The following ADAM23 variants were observed in gnomAD, a reference collection of about 807,000 sequenced individuals.
ADAM23 encodes ADAM metallopeptidase domain 23.
Under a neutral mutation model 120.1 loss-of-function variants are expected in ADAM23, and 33 were observed. The ratio of observed to expected loss-of-function variants is 0.27; its 90% CI spans 0.21 to 0.37. The LOEUF is 0.37. ADAM23 is among the 10% of genes least tolerant of loss of function. The pLI is 1.00. For missense variants in ADAM23, 862 were observed against 1,058.2 expected (o/e 0.81, Z 2.57); for synonymous variants, 367 against 375.2 (o/e 0.98, Z 0.25).
At chr2:206,567,912 A>G (rs1697921638) in intron 15 of ADAM23, among the ~76,000 whole-genome samples, 1 of 152,138 alleles carries the variant, frequency 6.6e-6, no homozygotes, top group Admixed American at 6.5e-5. Context: ...AGAGAGAGAA[A>G]GAGTGCGAGG....
chr2:206,595,042 G>T, intron 23 of ADAM23, 137 bp downstream of exon 23: 1 of 1,084,984 alleles, frequency 9.2e-7, no homozygotes, highest in Non-Finnish European at 1.3e-6. Context: ...ATAGCTGGGC[G>T]TGGTGGTGGG....
At chr2:206,564,896 G>A (rs1195278439) in intron 13 of ADAM23, 124 bp from the exon 14 acceptor site, 23 of 984,200 alleles carry the variant, frequency 2.3e-5, no homozygotes, top group South Asian at 3.1e-5. Flanking sequence ...TTCACATTCC[G>A]TGTCTATTTG....
At chr2:206,510,705 A>G (rs1221964446) in intron 3 of ADAM23, among the ~76,000 whole-genome samples, 1 of 152,222 alleles carries the variant, frequency 6.6e-6, no homozygotes, top group Non-Finnish European at 1.5e-5. Context: ...TTGGCTGGAC[A>G]TGAAATTTTG....
At chr2:206,456,072 C>T (rs910707428) in intron 2 of ADAM23, among the ~76,000 whole-genome samples, 1 of 152,110 alleles carries the variant, frequency 6.6e-6, no homozygotes, top group Non-Finnish European at 1.5e-5. Context: ...AGTTCGTTCT[C>T]ACACTGCTAT....
At chr2:206,589,065 C>A (rs996249926) in intron 20 of ADAM23, among the ~76,000 whole-genome samples, 2 of 152,154 alleles carry the variant, frequency 1.3e-5, no homozygotes, top group Non-Finnish European at 2.9e-5. Flanking sequence ...TTCACCAATT[C>A]CTGCTGATAA....
At chr2:206,497,830 A>G (rs1451904705) in intron 3 of ADAM23, among the ~76,000 whole-genome samples, 3 of 152,314 alleles carry the variant, frequency 2.0e-5, no homozygotes, top group East Asian at 1.9e-4. Flanking sequence ...TCAATGTGCA[A>G]AAATCACAAG....
intron 2 of ADAM23, among the ~76,000 whole-genome samples, chr2:206,446,143 A>G (rs1695078277): frequency 6.6e-6 from 1 of 152,250 alleles, no homozygotes; most frequent in Admixed American, 6.5e-5. Flanking sequence ...ATAATTCTTC[A>G]GTACCTACTC....
chr2:206,601,665 T>C (rs1436888632), intron 24 of ADAM23, among the ~76,000 whole-genome samples: 2 of 151,808 alleles, frequency 1.3e-5, no homozygotes, highest in South Asian at 4.2e-4. Context: ...TCCCAGCTAC[T>C]TGGGAGGCTG....
intron 4 of ADAM23, among the ~76,000 whole-genome samples, chr2:206,536,816 C>T (rs1284664837): frequency 2.0e-5 from 3 of 152,020 alleles, no homozygotes; most frequent in African/African-American, 7.2e-5. Context: ...AGAGATTCTC[C>T]TGTCTCAGCC....
Position 206,473,560 on chromosome 2 carries a change from G to T in ADAM23, c.433-7672G>T, listed in dbSNP as rs144334611. 4.4e-3 allele frequency among the ~76,000 whole-genome samples: 588 copies of T among 132,464 alleles called. 5 individuals carry two copies. The highest frequency in any genetic ancestry group is 7.9e-3 in the Non-Finnish European group (475 of 59,998). The allele number at this position is 132,464 out of a possible 152,430, so 86.9% of individuals were successfully genotyped here. A position where few individuals can be genotyped will look rare whatever the true frequency, so the allele number is the denominator to read the frequency against. ...AAGACCAGCTGGGGCAACACAGTGA[G>T]ACCCATCTCTAAAATAATAATAATA... is the stretch of plus-strand genomic sequence containing the variant. On this transcript the variant is annotated intron_variant, in intron 2 of 25. Transcript: ENST00000264377.
At chr2:206,484,410 T>A (rs1443708144) in intron 3 of ADAM23, among the ~76,000 whole-genome samples, 1 of 152,204 alleles carries the variant, frequency 6.6e-6, no homozygotes, top group Non-Finnish European at 1.5e-5. Flanking sequence ...TGTATTTCTT[T>A]CTGGTGTTGT....
intron 18 of ADAM23, among the ~76,000 whole-genome samples, chr2:206,579,139 G>A (rs983899151): frequency 2.2e-4 from 33 of 152,060 alleles, no homozygotes; most frequent in Non-Finnish European, 4.3e-4. Context: ...TTATTTCTTT[G>A]TTAGATGCAT....
chr2:206,511,484 C>CAGTGGGGACAGGGAGGGAAGAGTG (rs1696622136), intron 3 of ADAM23, among the ~76,000 whole-genome samples: 6 of 152,280 alleles, frequency 3.9e-5, no homozygotes, highest in African/African-American at 1.4e-4. Context: ...CAGGGTTCCA[C>CAGTGGGGACAGGGAGGGAAGAGTG]AGCTTGTTTG....
At chr2:206,606,442 A>C (rs1019184660) in intron 24 of ADAM23, 8 of 152,252 alleles carry the variant, frequency 5.3e-5, no homozygotes, top group African/African-American at 1.9e-4. Context: ...TTTCCTATAA[A>C]ATAGGTTAAT....
chr2:206,574,528 A>G (rs1698073548), intron 18 of ADAM23, among the ~76,000 whole-genome samples: 2 of 151,458 alleles, frequency 1.3e-5, no homozygotes, highest in Admixed American at 1.3e-4. Flanking sequence ...CTTATATCTT[A>G]AACAGTACAC....
At chr2:206,560,729 C>G (rs922884767) in intron 11 of ADAM23, among the ~76,000 whole-genome samples, 8 of 152,210 alleles carry the variant, frequency 5.3e-5, no homozygotes, top group African/African-American at 1.9e-4. Context: ...AACCAAACCA[C>G]TCCTTCTTTT....
chr2:206,523,628 A>AT (rs528224245), intron 3 of ADAM23, among the ~76,000 whole-genome samples: 712 of 150,020 alleles, frequency 4.7e-3, no homozygotes, highest in Middle Eastern at 0.021. Context: ...GTATGAGTCT[A>AT]TTTTTTTTTT....
intron 2 of ADAM23, among the ~76,000 whole-genome samples, chr2:206,468,017 G>A (rs988597309): frequency 9.9e-5 from 15 of 152,194 alleles, no homozygotes; most frequent in South Asian, 2.1e-4. Context: ...GCAGGGAGCA[G>A]TGTCCTGAGG....
chr2:206,477,011 TAG>T (rs1401619733), intron 2 of ADAM23, among the ~76,000 whole-genome samples: 1 of 152,184 alleles, frequency 6.6e-6, no homozygotes, highest in Non-Finnish European at 1.5e-5. Context: ...TGATTAGATA[TAG>T]AGTTATTTTT....
Sources: allele counts gnomAD v4.1 joint callset (sites outside exome capture counted in the v4.1 genomes callset), GRCh38; gene constraint gnomAD v4.1.1; transcripts MANE v1.5; gene names NCBI Gene and HGNC (gene_info 2026-07-23, HGNC 2026-07-21).